KCNJ16: variants seen among roughly 807,000 people sequenced by gnomAD.
KCNJ16 encodes the protein inward rectifier potassium channel 16.
In KCNJ16, 15 loss-of-function variants were observed where a neutral mutation model predicts 18.5. The ratio of observed to expected loss-of-function variants is 0.81; its 90% CI spans 0.54 to 1.25. KCNJ16 has a LOEUF of 1.25. Ranked by LOEUF, KCNJ16 falls within the 50% of genes most tolerant of loss-of-function variation. KCNJ16 has a pLI of 0.00. For missense variants in KCNJ16, 523 were observed against 525.7 expected (o/e 0.99, Z 0.05); for synonymous variants, 174 against 186.5 (o/e 0.93, Z 0.55).
intron 1 of KCNJ16, among the ~76,000 whole-genome samples, chr17:70,098,501 A>G (rs1019274596): frequency 6.6e-6 from 1 of 152,006 alleles, no homozygotes; most frequent in Non-Finnish European, 1.5e-5. Flanking sequence ...TCTTAACAAG[A>G]CAGCAGTTGA....
chr17:70,085,233 G>A (rs1454571622), intron 1 of KCNJ16, among the ~76,000 whole-genome samples: 1 of 152,198 alleles, frequency 6.6e-6, no homozygotes, highest in Admixed American at 6.5e-5. Context: ...AGGAACATGT[G>A]TCAGACATTA....
chr17:70,118,181 A>C (rs1425373612), intron 2 of KCNJ16, among the ~76,000 whole-genome samples: 3 of 150,858 alleles, frequency 2.0e-5, no homozygotes, highest in South Asian at 4.2e-4. Context: ...TTTAAAACCT[A>C]GGTGATTTAA....
chr17:70,113,007 G>C lies in KCNJ16; in HGVS notation c.-191+12241G>C, dbSNP rs568311948. On this transcript the variant is annotated intron_variant, in intron 2 of 3. Transcript: ENST00000392671. ...TTCCTTCTGCTCAACAACCCAGAAT[G>C]TTTTCCTTGGTTACATCTTTCTCAT... 2.0e-5 allele frequency among the ~76,000 whole-genome samples: 3 copies of C among 152,280 alleles called. No individual in the cohort carries two copies. In the South Asian group the frequency reaches 6.2e-4, roughly 32 times the overall value.
intron 2 of KCNJ16, among the ~76,000 whole-genome samples, chr17:70,103,289 T>TGTG (rs1467543429): frequency 1.5e-4 from 13 of 86,506 alleles, no homozygotes; most frequent in African/African-American, 4.8e-4. Flanking sequence ...TGCATATATG[T>TGTG]GTGTGTGTAT....
intron 1 of KCNJ16, among the ~76,000 whole-genome samples, chr17:70,095,144 G>T (rs1436567510): frequency 6.6e-6 from 1 of 152,154 alleles, no homozygotes; most frequent in Non-Finnish European, 1.5e-5. Context: ...GTATTGGTGT[G>T]GGCTATAGGC....
chr17:70,131,061 T>C (rs913991316), intron 3 of KCNJ16, 86 bp downstream of exon 3: 65 of 1,297,100 alleles, frequency 5.0e-5, no homozygotes, highest in African/African-American at 2.9e-4. Context: ...TCCGTGAAAG[T>C]ATCAGGAAAA....
chr17:70,091,852 G>A (rs117170902), intron 1 of KCNJ16, among the ~76,000 whole-genome samples: 3,827 of 152,156 alleles, frequency 0.025, 175 homozygotes, highest in East Asian at 0.19. Flanking sequence ...CATTTAATCG[G>A]GGAGTGTGGA....
intron 2 of KCNJ16, among the ~76,000 whole-genome samples, chr17:70,118,465 G>A (rs2073500630): frequency 6.6e-6 from 1 of 152,000 alleles, no homozygotes; most frequent in East Asian, 1.9e-4. Context: ...AAGAAAAGAT[G>A]TTTAATTGGG....
intron 2 of KCNJ16, among the ~76,000 whole-genome samples, chr17:70,130,408 G>C (rs1393063755): frequency 4.6e-5 from 7 of 152,202 alleles, no homozygotes; most frequent in Non-Finnish European, 8.8e-5. Flanking sequence ...GGATGTAACA[G>C]ATCAAAACTG....
rs959854321 is a variant in KCNJ16 at position 70,132,432 on chromosome 17, C to T, written c.345C>T (p.Val115=). 6.2e-7 allele frequency: 1 copy of T among 1,614,020 alleles called. No homozygotes were observed. Among genetic ancestry groups the T allele is most frequent in the African/African-American group, 1.3e-5 (1 of 74,916 alleles). The change falls in exon 4 of 4, where the codon GTC becomes GTT. Residue 115 remains valine (V), a synonymous_variant. Transcript: ENST00000392671. ...ACATCACACCTTGTGTTGACAACGT[C>T]CATTCTTTCACAGGGGCCTTTTTGT... ...DPDITPCVDN[V]HSFTGAFLFS... is the part of the protein sequence containing the mutation.
intron 2 of KCNJ16, 28 bp from the exon 3 acceptor site, chr17:70,130,851 T>C (rs890941144): frequency 3.3e-5 from 32 of 980,414 alleles, no homozygotes; most frequent in Non-Finnish European, 4.8e-5. Flanking sequence ...TTGGCTACAA[T>C]ACTTTTATTT....
chr17:70,133,096 C>A lies in KCNJ16; in HGVS notation c.1009C>A (p.Pro337Thr). 1.2e-6 allele frequency: 2 copies of A among 1,614,096 alleles called. No homozygotes were observed. Among genetic ancestry groups the A allele is most frequent in the Non-Finnish European group, 1.7e-6 (2 of 1,180,016 alleles). The stretch of plus-strand genomic sequence containing the variant: ...TGAAGGAAGTGTGGAAGTATATGCC[C>A]CCTTTTGCAGTGCCAAGCAATTGGA... Reference protein sequence around the residue: ...QFEGSVEVYAPFCSAKQLDWK... With the variant: ...QFEGSVEVYATFCSAKQLDWK... Residue 337 changes from proline (P) to threonine (T), a missense_variant, in exon 4 of 4, where the codon CCC becomes ACC. By Grantham distance (38) the Pro-to-Thr change is conservative (BLOSUM62 -1). Transcript: ENST00000392671.
At chr17:70,110,482 G>GCACACACACACA (rs34424075) in intron 2 of KCNJ16, among the ~76,000 whole-genome samples, 3 of 149,782 alleles carry the variant, frequency 2.0e-5, no homozygotes, top group Admixed American at 6.7e-5. Context: ...CTTCGTGCGC[G>GCACACACACACA]CACACACACA....
chr17:70,092,029 A>C (rs1317379750), intron 1 of KCNJ16, among the ~76,000 whole-genome samples: 1 of 152,194 alleles, frequency 6.6e-6, no homozygotes, highest in Non-Finnish European at 1.5e-5. Flanking sequence ...AAAAAGGCTA[A>C]AATTTGTTTT....
At chr17:70,109,018 G>A (rs561157326) in intron 2 of KCNJ16, among the ~76,000 whole-genome samples, 4 of 152,144 alleles carry the variant, frequency 2.6e-5, no homozygotes, top group Admixed American at 1.3e-4. Context: ...GTGACTTAGC[G>A]AGCATTTCTT....
Position 70,132,342 on chromosome 17 carries a change from G to T in KCNJ16, c.255G>T (p.Trp85Cys), listed in dbSNP as rs372090809. The part of the protein sequence containing the change: ...VIFSLSYILS[W>C]LIFGSVFWLI... ...TTTCTTTATCTTATATTCTCTCGTG[G>T]TTGATATTTGGCTCTGTCTTTTGGC... The change falls in exon 4 of 4, where the codon TGG (tryptophan) becomes TGT (cysteine). Residue 85 changes from tryptophan (W) to cysteine (C), a missense_variant. Physicochemically the swap from Trp to Cys is radical, Grantham distance 215. Coordinates refer to ENST00000392671, the MANE Select transcript of KCNJ16 (RefSeq NM_170741.4). 1.2e-6 allele frequency: 2 copies of T among 1,614,166 alleles called. No individual in the cohort carries two copies. The highest frequency in any genetic ancestry group is 1.7e-6 in the Non-Finnish European group (2 of 1,180,028).
intron 2 of KCNJ16, among the ~76,000 whole-genome samples, chr17:70,115,824 T>C (rs2042479741): frequency 6.6e-6 from 1 of 152,196 alleles, no homozygotes; most frequent in African/African-American, 2.4e-5. Flanking sequence ...TAAATGTCAC[T>C]ATATTTGTTT....
chr17:70,104,021 C>T (rs555799199), intron 2 of KCNJ16, among the ~76,000 whole-genome samples: 2 of 149,034 alleles, frequency 1.3e-5, no homozygotes, highest in Admixed American at 6.8e-5. Context: ...CTTGCAGCCT[C>T]GATCTCCTGG....
At chr17:70,120,074 T>G (rs1288145322) in intron 2 of KCNJ16, among the ~76,000 whole-genome samples, 2 of 152,162 alleles carry the variant, frequency 1.3e-5, no homozygotes, top group African/African-American at 4.8e-5. Flanking sequence ...TGCTTAGAAA[T>G]TTCTTCTACC....
Sources: gnomAD v4.1 joint callset for allele counts (sites outside exome capture counted in the v4.1 genomes callset) on GRCh38, gnomAD v4.1.1 for gene constraint, MANE v1.5 for transcripts, NCBI Gene and HGNC (gene_info 2026-07-23, HGNC 2026-07-21) for gene names.